The following ABCE1 variants were observed in gnomAD, a reference collection of about 807,000 sequenced individuals.
ABCE1 encodes ATP binding cassette subfamily E member 1, also known as ATP-binding cassette sub-family E member 1.
A neutral mutation model predicts 83.4 loss-of-function variants in ABCE1; 22 were observed. The observed-to-expected ratio is 0.26, with a 90% CI of 0.19 to 0.38. The LOEUF (loss-of-function observed/expected upper bound fraction) is 0.38, where lower values mean the gene tolerates loss of function less well. Ranked by LOEUF, ABCE1 falls within the 10% of genes least tolerant of loss-of-function variation. The pLI, the probability that ABCE1 is intolerant of heterozygous loss-of-function variation, is 1.00. For synonymous variants in ABCE1, 204 were observed against 233.7 expected, an observed-to-expected ratio of 0.87 and a Z score of 1.16; for missense variants, 330 against 721.9, an observed-to-expected ratio of 0.46 and a Z score of 6.22.
intron 9 of ABCE1, among the ~76,000 whole-genome samples, chr4:145,115,889 A>G (rs1749596342): frequency 6.6e-6 from 1 of 151,980 alleles, no homozygotes; most frequent in Non-Finnish European, 1.5e-5. Context: ...AGGTGCTAAA[A>G]TGTATTAAGA....
At position 145,099,511 on chromosome 4, in the gene ABCE1, A is replaced by G. The variant is rs932847588; in HGVS notation, c.-28+1092A>G. Reference sequence around the variant, plus strand: ...TTTGGGGTTTGTGAGCTTTTTGAGAACTTAGTTCTCCCCTATTTTAAAAAA... The same window carrying G: ...TTTGGGGTTTGTGAGCTTTTTGAGAGCTTAGTTCTCCCCTATTTTAAAAAA... On this transcript the variant is annotated intron_variant, in intron 1 of 17. Coordinates refer to ENST00000296577, the MANE Select transcript of ABCE1 (RefSeq NM_002940.3). 2.6e-5 allele frequency among the ~76,000 whole-genome samples: 4 copies of G among 152,194 alleles called. No homozygotes were observed. The South Asian group carries it at 8.3e-4, about 32-fold the overall frequency.
chr4:145,109,961 T>C (rs1467381610), intron 5 of ABCE1, 142 bp from the exon 6 acceptor site: 3 of 705,376 alleles, frequency 4.3e-6, no homozygotes, highest in Admixed American at 7.4e-5. Context: ...ATGAGACTTT[T>C]ATTAATTATG....
At chr4:145,115,221 C>T (rs1749578827) in intron 9 of ABCE1, among the ~76,000 whole-genome samples, 1 of 151,928 alleles carries the variant, frequency 6.6e-6, no homozygotes, top group African/African-American at 2.4e-5. Context: ...TCTCCATAAC[C>T]TCCATTTGAA....
chr4:145,121,239 T>C lies in ABCE1; in HGVS notation c.1204+6T>C. On this transcript the variant is annotated splice_donor_region_variant and intron_variant, in intron 12 of 17. Coordinates refer to ENST00000296577, the MANE Select transcript of ABCE1 (RefSeq NM_002940.3). ...ACTTAAACCTGATGAAGGAGGTACA[T>C]TTGTAACTGTTGAGTCTTTTTACTC... 5 of 1,613,810 alleles carry C rather than the reference T, an allele frequency of 3.1e-6. No homozygotes were observed. The highest frequency in any genetic ancestry group is 4.2e-6 in the Non-Finnish European group (5 of 1,179,854).
intron 10 of ABCE1, among the ~76,000 whole-genome samples, chr4:145,119,473 T>C (rs1345573227): frequency 5.3e-5 from 8 of 152,006 alleles, no homozygotes; most frequent in Non-Finnish European, 1.2e-4. Context: ...AGGATTAATT[T>C]TTTTAAAGCA....
In ABCE1 at chr4:145,120,042, A is replaced by T; in HGVS notation, c.1033A>T (p.Met345Leu). 1.2e-6 allele frequency: 2 copies of T among 1,612,562 alleles called. No individual in the cohort carries two copies. Among genetic ancestry groups the T allele is most frequent in the Non-Finnish European group, 1.7e-6 (2 of 1,179,158 alleles). ...AGCAAATGAAGAAGAAGTTAAAAAG[A>T]TGTGTATGTATAAATATCCAGGAAT... is the stretch of plus-strand genomic sequence containing the variant. Reference protein sequence around the residue: ...ETANEEEVKKMCMYKYPGMKK... With the variant: ...ETANEEEVKKLCMYKYPGMKK... Residue 345 changes from methionine to leucine, a missense_variant, in exon 11 of 18, where the codon ATG (methionine) becomes TTG (leucine). Physicochemically the swap from Met to Leu is conservative, Grantham distance 15. Transcript: ENST00000296577.
At chr4:145,125,884 A>G (rs1749869328) in intron 17 of ABCE1, among the ~76,000 whole-genome samples, 1 of 152,108 alleles carries the variant, frequency 6.6e-6, no homozygotes. Context: ...TACTAAAAAT[A>G]CAAAAAATTA....
chr4:145,108,229 T>C, intron 4 of ABCE1, 117 bp downstream of exon 4: 1 of 838,976 alleles, frequency 1.2e-6, no homozygotes, highest in South Asian at 1.5e-5. Flanking sequence ...TAAAGGAAAA[T>C]ACAATATTAT....
intron 17 of ABCE1, among the ~76,000 whole-genome samples, chr4:145,126,317 CAG>C: frequency 6.6e-6 from 1 of 152,148 alleles, no homozygotes; most frequent in South Asian, 2.1e-4. Flanking sequence ...TTTTTTGAGG[CAG>C]AGTCTCACTC....
intron 9 of ABCE1, among the ~76,000 whole-genome samples, chr4:145,114,456 C>A (rs932972555): frequency 6.6e-6 from 1 of 152,004 alleles, no homozygotes; most frequent in Non-Finnish European, 1.5e-5. Flanking sequence ...GATATCAAAT[C>A]ATGTCCTAAC....
chr4:145,115,707 A>G (rs763041083), intron 9 of ABCE1, among the ~76,000 whole-genome samples: 2 of 151,918 alleles, frequency 1.3e-5, no homozygotes, highest in Non-Finnish European at 2.9e-5. Context: ...TAGTCACTAT[A>G]TGGGACAACA....
At chr4:145,119,225 C>T (rs4148233) in intron 10 of ABCE1, among the ~76,000 whole-genome samples, 41,459 of 151,748 alleles carry the variant, frequency 0.27, 7,117 homozygotes, top group Non-Finnish European at 0.38. Flanking sequence ...TCAGCTTTCT[C>T]TTCACTTAAA....
intron 3 of ABCE1, among the ~76,000 whole-genome samples, chr4:145,106,685 A>G (rs1298834207): frequency 6.6e-6 from 1 of 152,130 alleles, no homozygotes; most frequent in Non-Finnish European, 1.5e-5. Flanking sequence ...AATGTACCTC[A>G]TATATGAACA....
intron 5 of ABCE1, among the ~76,000 whole-genome samples, chr4:145,109,756 T>C (rs1749412472): frequency 6.6e-6 from 1 of 152,218 alleles, no homozygotes; most frequent in African/African-American, 2.4e-5. Context: ...TTTTCATTTC[T>C]GAATCCTTGA....
chr4:145,108,883 G>T (rs766070940), intron 4 of ABCE1, among the ~76,000 whole-genome samples: 1 of 151,822 alleles, frequency 6.6e-6, no homozygotes, highest in East Asian at 1.9e-4. Flanking sequence ...AATAAAACTT[G>T]TAGTAATGTT....
At chr4:145,110,922 G>C (rs1487559848) in intron 7 of ABCE1, 46 bp from the exon 8 acceptor site, 1 of 1,299,798 alleles carries the variant, frequency 7.7e-7, no homozygotes, top group South Asian at 1.3e-5. Flanking sequence ...TTTTTACCTG[G>C]AAGAGGTGAA....
chr4:145,122,750 G>T (rs1161433621), intron 13 of ABCE1: 2 of 245,914 alleles, frequency 8.1e-6, no homozygotes, highest in Non-Finnish European at 1.6e-5. Flanking sequence ...GGTTGATGCT[G>T]CAGTGAGCCC....
At chr4:145,127,266 A>G (rs1389517245) in intron 17 of ABCE1, among the ~76,000 whole-genome samples, 1 of 152,230 alleles carries the variant, frequency 6.6e-6, no homozygotes. Context: ...GCAAAATTTT[A>G]TATATGTGAG....
At chr4:145,102,686 C>A (rs911875775) in intron 1 of ABCE1, among the ~76,000 whole-genome samples, 1 of 151,066 alleles carries the variant, frequency 6.6e-6, no homozygotes, top group Non-Finnish European at 1.5e-5. Flanking sequence ...AATAAAAACA[C>A]CAAGAGCTGA....
Sources: gnomAD v4.1 joint callset for allele counts (sites outside exome capture counted in the v4.1 genomes callset) on GRCh38, gnomAD v4.1.1 for gene constraint, MANE v1.5 for transcripts, NCBI Gene and HGNC (gene_info 2026-07-23, HGNC 2026-07-21) for gene names.